Variants in ST3GAL1 observed in about 807,000 individuals in gnomAD.
ST3GAL1 encodes the protein CMP-N-acetylneuraminate-beta-galactosamide-alpha-2,3-sialyltransferase 1.
Under a neutral mutation model 34.1 loss-of-function variants are expected in ST3GAL1, and 16 were observed. That is an observed-to-expected ratio of 0.47 (90% confidence interval 0.32 to 0.71). The LOEUF is 0.71. ST3GAL1 is among the 30% of genes least tolerant of loss of function. ST3GAL1 has a pLI of 0.04. For missense variants in ST3GAL1, 353 were observed against 447.4 expected (o/e 0.79, Z 1.90); for synonymous variants, 191 against 184.7 (o/e 1.03, Z -0.28).
intron 2 of ST3GAL1, among the ~76,000 whole-genome samples, chr8:133,534,102 C>T (rs905139411): frequency 8.5e-5 from 13 of 152,154 alleles, no homozygotes; most frequent in Middle Eastern, 3.2e-3. Context: ...GATGACTGAC[C>T]ATCTGTCGAG....
intron 2 of ST3GAL1, 149 bp from the exon 3 acceptor site, chr8:133,499,338 G>C (rs1817074432): frequency 6.6e-6 from 1 of 152,208 alleles, no homozygotes; most frequent in African/African-American, 2.4e-5. Context: ...AAGCCACTCA[G>C]TGTGGGGAGA....
chr8:133,510,059 C>CAAAAAAAAA (rs61402942), intron 2 of ST3GAL1, among the ~76,000 whole-genome samples: 1 of 120,228 alleles, frequency 8.3e-6, no homozygotes, highest in Non-Finnish European at 1.7e-5. Flanking sequence ...AACTCTGTCT[C>CAAAAAAAAA]AAAAAAAAAA....
rs1482569538 is a variant in ST3GAL1, at chr8:133,466,609, G to A, written c.307-519C>T. 5.9e-5 allele frequency among the ~76,000 whole-genome samples: 9 copies of A among 152,238 alleles called. No homozygotes were observed. The highest frequency in any genetic ancestry group is 1.3e-4 in the Non-Finnish European group (9 of 68,042). On this transcript the variant is annotated intron_variant, in intron 5 of 9. Transcript: ENST00000522652. This position sits in a 1 kb window ranked among gnomAD's most constrained non-coding sequence, Gnocchi z 4.4. The stretch of plus-strand genomic sequence containing the variant: ...CAAGCCTTAACAAGAAGAGCGAGGA[G>A]TAGGTGGAAATGCCAGTTCTCCAGC...
Position 133,476,301 on chromosome 8 carries a change from A to G in ST3GAL1, c.-74T>C, listed in dbSNP as rs1219069422. ...ACCTTTTCAGAAAATAAAGTAGCCTATTCTTCTGCAATCCTTAAAGAGCTG... is the reference window on the plus strand; with the variant it reads ...ACCTTTTCAGAAAATAAAGTAGCCTGTTCTTCTGCAATCCTTAAAGAGCTG... On this transcript the variant is annotated 5_prime_UTR_variant, in exon 4 of 10. Coordinates refer to ENST00000522652, the MANE Select transcript of ST3GAL1 (RefSeq NM_173344.3). The G allele has an allele frequency of 8.3e-6, 3 of 361,776 alleles. No individual in the cohort carries two copies. Among genetic ancestry groups the G allele is most frequent in the Admixed American group, 8.7e-5 (2 of 23,072 alleles). 22.4% of individuals were successfully genotyped at this position (361,776 alleles called of 1,614,324 possible).
At position 133,461,818 on chromosome 8, in the gene ST3GAL1, G is replaced by C; in HGVS notation, c.849+57C>G. The stretch of plus-strand genomic sequence containing the variant: ...CCCTCCCCCTCCCTGGCCTCTCTTG[G>C]GAACACAGGACGGTGAGCTTCGAGG... On this transcript the variant is annotated intron_variant, in intron 9 of 9. Coordinates refer to ENST00000522652, the MANE Select transcript of ST3GAL1 (RefSeq NM_173344.3). This position sits in a 1 kb window ranked among gnomAD's most constrained non-coding sequence, Gnocchi z 4.7. 1 of 1,607,328 alleles carries C rather than the reference G, an allele frequency of 6.2e-7. No individual in the cohort carries two copies. The highest frequency in any genetic ancestry group is 8.5e-7 in the Non-Finnish European group (1 of 1,175,644).
rs12543905 is a variant in ST3GAL1 at position 133,556,488 on chromosome 8, C to T, written c.-581-10562G>A. Among the ~76,000 whole-genome samples the T allele has an allele frequency of 0.2, 31,138 of 152,074 alleles. 4,087 individuals are homozygous for T. The highest frequency in any genetic ancestry group is 0.37 in the African/African-American group (15,512 of 41,442). On this transcript the variant is annotated intron_variant, in intron 1 of 9. Transcript: ENST00000522652. The surrounding 1 kb of genome is among the most constrained non-coding windows in gnomAD (Gnocchi z 8.9). Reference sequence around the variant, plus strand: ...TGGGCCCAGCATATATTGTTCTGTCCGCTCAGAGTCACGTTCCTTTCTCAG... The same window carrying T: ...TGGGCCCAGCATATATTGTTCTGTCTGCTCAGAGTCACGTTCCTTTCTCAG...
intron 1 of ST3GAL1, among the ~76,000 whole-genome samples, chr8:133,568,931 A>G (rs527276123): frequency 6.6e-6 from 1 of 152,342 alleles, no homozygotes; most frequent in Non-Finnish European, 1.5e-5. Context: ...GATCAGCGAC[A>G]GCCAATGCTG....
At chr8:133,500,229 G>A (rs1047737527) in intron 2 of ST3GAL1, among the ~76,000 whole-genome samples, 1 of 152,070 alleles carries the variant, frequency 6.6e-6, no homozygotes, top group African/African-American at 2.4e-5. Context: ...TGTTAAGACC[G>A]CCTGGGCCTC....
chr8:133,501,369 T>C (rs1159229824), intron 2 of ST3GAL1, among the ~76,000 whole-genome samples: 1 of 152,136 alleles, frequency 6.6e-6, no homozygotes, highest in Non-Finnish European at 1.5e-5. Context: ...CATTAGGTGC[T>C]CTCTTGAGGT....
At chr8:133,531,354 T>C (rs1015237196) in intron 2 of ST3GAL1, among the ~76,000 whole-genome samples, 2 of 152,206 alleles carry the variant, frequency 1.3e-5, no homozygotes, top group Non-Finnish European at 2.9e-5. Flanking sequence ...TGTGTGTAGC[T>C]ATAGATACAT....
rs142068419 is a variant in ST3GAL1, at chr8:133,460,341, C to T, written c.850-404G>A. Among the ~76,000 whole-genome samples the T allele has an allele frequency of 4.1e-3, 629 of 152,276 alleles. 3 individuals carry two copies. Among genetic ancestry groups the T allele is most frequent in the African/African-American group, 0.014 (583 of 41,562 alleles). On this transcript the variant is annotated intron_variant, in intron 9 of 9. Coordinates refer to ENST00000522652, the MANE Select transcript of ST3GAL1 (RefSeq NM_173344.3). ...GGGGCCAAGCAAACTGCCCCAAATC[C>T]CAGCTCTGCCACTCCGTGGTGCCCT...
chr8:133,548,431 A>C (rs1563737652), intron 1 of ST3GAL1, among the ~76,000 whole-genome samples: 2 of 152,202 alleles, frequency 1.3e-5, no homozygotes, highest in East Asian at 1.9e-4. Context: ...CGATATTTTC[A>C]GTGTTCCCTG....
intron 2 of ST3GAL1, among the ~76,000 whole-genome samples, chr8:133,504,199 A>T (rs1468594827): frequency 3.5e-4 from 53 of 152,228 alleles, no homozygotes; most frequent in Non-Finnish European, 2.9e-5. Context: ...GGAAAAGGGC[A>T]GTGCCTTCCC....
intron 8 of ST3GAL1, among the ~76,000 whole-genome samples, chr8:133,462,486 G>A (rs945739745): frequency 1.3e-5 from 2 of 152,210 alleles, no homozygotes; most frequent in Admixed American, 1.3e-4. Flanking sequence ...AGCCCAGAGA[G>A]GCTAAGTGAT....
At chr8:133,492,255 T>A (rs1307476844) in intron 3 of ST3GAL1, among the ~76,000 whole-genome samples, 2 of 152,018 alleles carry the variant, frequency 1.3e-5, no homozygotes, top group Admixed American at 6.6e-5. Context: ...AGTATTGATG[T>A]CTCCCCAAGT....
intron 2 of ST3GAL1, among the ~76,000 whole-genome samples, chr8:133,534,993 G>A (rs965836327): frequency 1.3e-5 from 2 of 152,234 alleles, no homozygotes; most frequent in Non-Finnish European, 2.9e-5. Flanking sequence ...ACAAGACAGT[G>A]TGGTCAGTGA....
chr8:133,511,820 G>A (rs148647558), intron 2 of ST3GAL1, among the ~76,000 whole-genome samples: 33 of 152,280 alleles, frequency 2.2e-4, no homozygotes, highest in African/African-American at 7.5e-4. Flanking sequence ...TTGGGAGGCC[G>A]AGGCGGGCAG....
Position 133,571,286 on chromosome 8 carries a change from A to G in ST3GAL1, c.-582+407T>C, listed in dbSNP as rs1026084492. ...CTCCCACGGGCGGCCCCAGCGGAGG[A>G]GATCCCAGCCCGGCGCCGGGTGCAA... On this transcript the variant is annotated intron_variant, in intron 1 of 9. Transcript: ENST00000522652. The surrounding 1 kb of genome is among the most constrained non-coding windows in gnomAD (Gnocchi z 6.7). Among the ~76,000 whole-genome samples, 11 of 152,060 alleles carry G rather than the reference A, an allele frequency of 7.2e-5. No individual in the cohort carries two copies. Among genetic ancestry groups the G allele is most frequent in the African/African-American group, 9.7e-5 (4 of 41,404 alleles).
chr8:133,521,277 G>A (rs1242553081), intron 2 of ST3GAL1, among the ~76,000 whole-genome samples: 1 of 151,826 alleles, frequency 6.6e-6, no homozygotes, highest in Non-Finnish European at 1.5e-5. Context: ...GGGATTACAG[G>A]TGTGTGCCAC....
Sources: gnomAD v4.1 joint callset for allele counts (sites outside exome capture counted in the v4.1 genomes callset) on GRCh38, gnomAD v4.1.1 for gene constraint, Gnocchi (gnomAD v3.1) non-coding constraint, MANE v1.5 for transcripts, NCBI Gene and HGNC (gene_info 2026-07-23, HGNC 2026-07-21) for gene names.